Variants in KATNAL2 observed in about 807,000 individuals in gnomAD.
KATNAL2 encodes katanin catalytic subunit A1 like 2.
In KATNAL2, 52 loss-of-function variants were observed where a neutral mutation model predicts 76.3. The ratio of observed to expected loss-of-function variants is 0.68; its 90% CI spans 0.55 to 0.86. The LOEUF (loss-of-function observed/expected upper bound fraction) is 0.86. Among genes scored for constraint, KATNAL2 ranks in the 40% least tolerant of loss-of-function variants. The pLI is 0.00. For missense variants in KATNAL2, 660 were observed against 668.9 expected, an observed-to-expected ratio of 0.99 and a Z score of 0.15; for synonymous variants, 243 against 244.2, an observed-to-expected ratio of 1.00 and a Z score of 0.05.
chr18:47,037,438 A>T (rs1054378791), intron 3 of KATNAL2, among the ~76,000 whole-genome samples: 4 of 152,222 alleles, frequency 2.6e-5, no homozygotes, highest in Admixed American at 2.0e-4. Flanking sequence ...CTTTCTTTGT[A>T]CACAGAAATT....
At chr18:47,035,646 T>C (rs754608268) in intron 3 of KATNAL2, 12 of 413,800 alleles carry the variant, frequency 2.9e-5, no homozygotes, top group Non-Finnish European at 5.5e-5. Flanking sequence ...CCCGCCCCCA[T>C]ACGTACTCAT....
intron 10 of KATNAL2, among the ~76,000 whole-genome samples, 174 bp from the exon 11 acceptor site, chr18:47,066,847 T>TTTATATATATATA (rs1319765780): frequency 3.7e-4 from 11 of 29,574 alleles, no homozygotes; most frequent in East Asian, 1.4e-3. Flanking sequence ...ATATATGTGT[T>TTTATATATATATA]TATATATATA....
At position 47,077,830 on chromosome 18, in the gene KATNAL2, A is replaced by G. The variant is rs116965198; in HGVS notation, c.1211+369A>G. On this transcript the variant is annotated intron_variant, in intron 15 of 17. Transcript: ENST00000683218. ...TATGTTTGAATTTTATAGTATTAAAATTAAACTTTTTTAAGTTAGGAGGAA... is the reference window on the plus strand; with the variant it reads ...TATGTTTGAATTTTATAGTATTAAAGTTAAACTTTTTTAAGTTAGGAGGAA... Among the ~76,000 whole-genome samples, 18 of 152,344 alleles carry G rather than the reference A, an allele frequency of 1.2e-4. No individual in the cohort carries two copies. The East Asian group carries it at 2.3e-3, about 20-fold the overall frequency.
At chr18:46,942,083 A>G (rs931486143) in intron 1 of KATNAL2, among the ~76,000 whole-genome samples, 4 of 152,206 alleles carry the variant, frequency 2.6e-5, no homozygotes, top group Admixed American at 6.5e-5. Flanking sequence ...AAGGTGGAGT[A>G]GGTAATCGAA....
intron 8 of KATNAL2, among the ~76,000 whole-genome samples, chr18:47,062,163 C>A (rs897552805): frequency 6.6e-6 from 1 of 151,930 alleles, no homozygotes; most frequent in Non-Finnish European, 1.5e-5. Flanking sequence ...GAGTATAACT[C>A]GAGCTCAGGA....
In KATNAL2 at chr18:46,960,588, C is replaced by T. The variant is rs186333638; in HGVS notation, c.51+13665C>T. Among the ~76,000 whole-genome samples, 16 of 152,246 alleles carry T rather than the reference C, an allele frequency of 1.1e-4. No individual in the cohort carries two copies. In the East Asian group the frequency reaches 2.3e-3, roughly 22 times the overall value. ...TATTGATTTTTGGCTGAATACTGAGCTGCACATACATAGAGGAAAAACATA... is the reference window on the plus strand; with the variant it reads ...TATTGATTTTTGGCTGAATACTGAGTTGCACATACATAGAGGAAAAACATA... On this transcript the variant is annotated intron_variant, in intron 3 of 17. Coordinates refer to ENST00000683218, the MANE Select transcript of KATNAL2 (RefSeq NM_001387690.1).
intron 13 of KATNAL2, among the ~76,000 whole-genome samples, chr18:47,074,596 CT>C (rs1303637622): frequency 3.9e-5 from 6 of 152,092 alleles, no homozygotes. Flanking sequence ...CTTTAGAGCT[CT>C]TTATTTTGTT....
intron 1 of KATNAL2, among the ~76,000 whole-genome samples, chr18:46,923,634 C>T (rs1176660839): frequency 6.6e-5 from 10 of 152,204 alleles, no homozygotes; most frequent in South Asian, 2.1e-4. Flanking sequence ...GTTCTAGATC[C>T]CTGAGGAATC....
chr18:47,061,538 A>G (rs2061632214), intron 8 of KATNAL2, among the ~76,000 whole-genome samples: 1 of 152,154 alleles, frequency 6.6e-6, no homozygotes, highest in Non-Finnish European at 1.5e-5. Context: ...ACATTTCAAT[A>G]TGAGATTTGG....
chr18:46,933,896 TG>T (rs1307853420), intron 1 of KATNAL2, among the ~76,000 whole-genome samples: 1 of 146,964 alleles, frequency 6.8e-6, no homozygotes, highest in Admixed American at 6.9e-5. Flanking sequence ...GAACATGTGG[TG>T]TTTGGTTTTT....
chr18:47,086,590 C>T (rs1352453017), intron 15 of KATNAL2, among the ~76,000 whole-genome samples: 1 of 152,222 alleles, frequency 6.6e-6, no homozygotes, highest in African/African-American at 2.4e-5. Context: ...GTTGGGATTA[C>T]AGGCGTGAGC....
chr18:47,063,508 G>A, intron 10 of KATNAL2, 147 bp downstream of exon 10: 2 of 590,956 alleles, frequency 3.4e-6, no homozygotes, highest in South Asian at 2.3e-5. Context: ...ATTGTTTAGA[G>A]GCACAATAAT....
chr18:47,049,698 C>A (rs1316365134), intron 4 of KATNAL2, among the ~76,000 whole-genome samples: 1 of 152,092 alleles, frequency 6.6e-6, no homozygotes, highest in Non-Finnish European at 1.5e-5. Flanking sequence ...TTGGCCAAAG[C>A]TTTTCCAGGG....
Position 47,035,414 on chromosome 18 carries a change from G to T in KATNAL2, c.52-11043G>T. ...GGAGTCACAGCCTGGAGCGAGCTGG[G>T]TCCTCGGAGCAGCAGGCCACTTGGT... On this transcript the variant is annotated intron_variant, in intron 3 of 17. Transcript: ENST00000683218. The T allele has an allele frequency of 7.5e-6, 11 of 1,469,238 alleles. No individual in the cohort carries two copies. In the South Asian group the frequency reaches 1.4e-4, roughly 19 times the overall value. 91.0% of individuals were successfully genotyped at this position (1,469,238 alleles called of 1,614,324 possible).
chr18:47,084,236 C>T, intron 15 of KATNAL2: 1 of 652,780 alleles, frequency 1.5e-6, no homozygotes, highest in Non-Finnish European at 2.8e-6. Flanking sequence ...CCTACTTCTT[C>T]CTACATGAAC....
At position 47,100,282 on chromosome 18, in the gene KATNAL2, T is replaced by G; in HGVS notation, c.1403T>G (p.Ile468Ser). The G allele has an allele frequency of 6.2e-7, 1 of 1,614,116 alleles. No homozygotes were observed. The highest frequency in any genetic ancestry group is 1.1e-5 in the South Asian group (1 of 91,074). ...ACTGAGGGCTACTCAGGCTCAGATATTAAGCTCGTCTGCAGGGAAGCAGCC... is the reference window on the plus strand; with the variant it reads ...ACTGAGGGCTACTCAGGCTCAGATAGTAAGCTCGTCTGCAGGGAAGCAGCC... ...QETEGYSGSD[I>S]KLVCREAAMR... Residue 468 changes from isoleucine (I) to serine (S), a missense_variant, in exon 17 of 18, where the codon ATT becomes AGT. Ile to Ser is a moderately radical substitution (Grantham distance 142). Transcript: ENST00000683218.
rs1195140135 is a variant in KATNAL2, at chr18:47,043,226, CAA to C, written c.52-3213_52-3212del. Among the ~76,000 whole-genome samples the C allele has an allele frequency of 2.6e-4, 11 of 41,674 alleles. 1 individual carries two copies. Among genetic ancestry groups the C allele is most frequent in the Admixed American group, 1.2e-3 (4 of 3,370 alleles). 27.3% of individuals were successfully genotyped at this position (41,674 alleles called of 152,430 possible). On this transcript the variant is annotated intron_variant, in intron 3 of 17. Transcript: ENST00000683218. ...CCGGCGACAGAGCGAGACTCCGTTT[CAA>C]AAAAAAAAAAAAAAAAAGAGATCCT...
chr18:47,034,716 G>T, intron 3 of KATNAL2: 1 of 1,612,986 alleles, frequency 6.2e-7, no homozygotes, highest in Non-Finnish European at 8.5e-7. Flanking sequence ...CGGGCTCAGG[G>T]CCCTCGGGCA....
At chr18:46,957,314 C>T (rs1463530408) in intron 3 of KATNAL2, among the ~76,000 whole-genome samples, 3 of 134,940 alleles carry the variant, frequency 2.2e-5, no homozygotes, top group Admixed American at 8.6e-5. Flanking sequence ...AGTGCAGTGG[C>T]GCGGTCTCGG....
Sources: gnomAD v4.1 joint callset for allele counts (sites outside exome capture counted in the v4.1 genomes callset) on GRCh38, gnomAD v4.1.1 for gene constraint, MANE v1.5 for transcripts, NCBI Gene and HGNC (gene_info 2026-07-23, HGNC 2026-07-21) for gene names.